The following IRF8 variants were observed in gnomAD, a reference collection of about 807,000 sequenced individuals.
IRF8 encodes the protein interferon regulatory factor 8.
In IRF8, 14 loss-of-function variants were observed where a neutral mutation model predicts 48.7. The observed-to-expected ratio is 0.29, with a 90% confidence interval of 0.19 to 0.45. The LOEUF (loss-of-function observed/expected upper bound fraction) is 0.45. Among genes scored for constraint, IRF8 ranks in the 20% least tolerant of loss-of-function variants. The probability of loss-of-function intolerance (pLI) is 1.00; values close to 1 mark genes in which losing one functional copy is unlikely to be tolerated. For missense variants in IRF8, 493 were observed against 580.7 expected (o/e 0.85, Z 1.55); for synonymous variants, 278 against 227.3 (o/e 1.22, Z -2.01).
rs752738499 is a variant in IRF8, at chr16:85,921,286, C to T, written c.*4C>T. 17 of 1,613,204 alleles carry T rather than the reference C, an allele frequency of 1.1e-5. No homozygotes were observed. Among genetic ancestry groups the T allele is most frequent in the South Asian group, 2.2e-5 (2 of 91,092 alleles). On this transcript the variant is annotated 3_prime_UTR_variant, in exon 9 of 9. Coordinates refer to ENST00000268638, the MANE Select transcript of IRF8 (RefSeq NM_002163.4). ...AAACCAACAGATCACCGTCTAAGTG[C>T]GTCGCTTGGGCGCCCCACCCCGTCT...
chr16:85,911,939 G>T (rs1051178521), intron 4 of IRF8, among the ~76,000 whole-genome samples: 3 of 152,202 alleles, frequency 2.0e-5, no homozygotes, highest in Non-Finnish European at 4.4e-5. Flanking sequence ...GTTCCTTCCA[G>T]CTCCAAACTG....
At chr16:85,900,124 A>G (rs1431377366) in intron 1 of IRF8, among the ~76,000 whole-genome samples, 2 of 152,196 alleles carry the variant, frequency 1.3e-5, no homozygotes, top group Admixed American at 6.5e-5. Context: ...AGAGAGAGAA[A>G]TGGCTTTGGT....
In IRF8 at chr16:85,909,189, G is replaced by T. The variant is rs1253190595; in HGVS notation, c.358+16G>T. 1.9e-6 allele frequency: 3 copies of T among 1,612,522 alleles called. No homozygotes were observed. The highest frequency in any genetic ancestry group is 1.1e-5 in the South Asian group (1 of 90,968). ...GAGCAAAAATGTAACTATCCTTTAT[G>T]GGCATGAAACCTTCCAGAAGCTGCC... On this transcript the variant is annotated intron_variant, in intron 3 of 8. Coordinates refer to ENST00000268638, the MANE Select transcript of IRF8 (RefSeq NM_002163.4).
intron 7 of IRF8, 69 bp from the exon 8 acceptor site, chr16:85,920,040 C>CCTG (rs1905486640): frequency 8.9e-7 from 1 of 1,122,436 alleles, no homozygotes; most frequent in Admixed American, 1.8e-5. Context: ...ATCCCCCAGC[C>CCTG]CTGCTGCTGC....
chr16:85,902,745 C>G (rs1026949237), intron 1 of IRF8: 1 of 503,026 alleles, frequency 2.0e-6, no homozygotes, highest in Non-Finnish European at 3.6e-6. Context: ...CTGGAAGGAG[C>G]ACAGCCAGCA....
In IRF8 at chr16:85,914,468, T is replaced by G. The variant is rs1597254533; in HGVS notation, c.554-5T>G. ...TCTGAGCTTGCTTTTCTGTTTCTCC[T>G]GCAGGCGTGCCGCTGGTGACGGGGT... On this transcript the variant is annotated splice_polypyrimidine_tract_variant and splice_region_variant and intron_variant, in intron 5 of 8. Transcript: ENST00000268638. 1.2e-6 allele frequency: 2 copies of G among 1,614,154 alleles called. No homozygotes were observed. The highest frequency in any genetic ancestry group is 1.7e-6 in the Non-Finnish European group (2 of 1,180,006).
intron 6 of IRF8, among the ~76,000 whole-genome samples, chr16:85,914,798 G>C (rs1234171129): frequency 2.0e-5 from 3 of 151,972 alleles, no homozygotes; most frequent in Non-Finnish European, 4.4e-5. Flanking sequence ...TCGTGTGGAA[G>C]TCTAGGCCCG....
At chr16:85,899,528 A>C in intron 1 of IRF8, among the ~76,000 whole-genome samples, 1 of 152,324 alleles carries the variant, frequency 6.6e-6, no homozygotes, top group South Asian at 2.1e-4. Flanking sequence ...TCATATAATG[A>C]ACGGCAATAG....
At chr16:85,915,654 A>G (rs1216486429) in intron 6 of IRF8, among the ~76,000 whole-genome samples, 1 of 152,232 alleles carries the variant, frequency 6.6e-6, no homozygotes, top group Non-Finnish European at 1.5e-5. Flanking sequence ...GGCAGCCGCC[A>G]TGCTCACAGG....
intron 1 of IRF8, chr16:85,902,694 A>G: frequency 2.5e-6 from 1 of 392,514 alleles, no homozygotes. Flanking sequence ...GGAGCTGTTC[A>G]CTGTGGTTGT....
chr16:85,917,276 A>T (rs1905342569), intron 6 of IRF8, among the ~76,000 whole-genome samples: 1 of 152,192 alleles, frequency 6.6e-6, no homozygotes, highest in Non-Finnish European at 1.5e-5. Flanking sequence ...AAACTCACTA[A>T]GCTCATTGCT....
chr16:85,905,566 C>A (rs552891450), intron 2 of IRF8, among the ~76,000 whole-genome samples: 2 of 152,274 alleles, frequency 1.3e-5, no homozygotes, highest in East Asian at 1.9e-4. Flanking sequence ...GCAGGGAGGC[C>A]ATCGGGAGGG....
intron 6 of IRF8, among the ~76,000 whole-genome samples, 199 bp downstream of exon 6, chr16:85,914,719 G>A (rs1905248296): frequency 6.6e-6 from 1 of 151,820 alleles, no homozygotes; most frequent in African/African-American, 2.4e-5. Flanking sequence ...TGGAAGTCTA[G>A]GCCTGGTTCT....
chr16:85,915,990 C>T (rs1469189948), intron 6 of IRF8, among the ~76,000 whole-genome samples: 1 of 151,732 alleles, frequency 6.6e-6, no homozygotes, highest in Admixed American at 6.6e-5. Context: ...TAATAATAAT[C>T]TACCTTACAG....
In IRF8 at chr16:85,909,182, C is replaced by G. The variant is rs1354399739; in HGVS notation, c.358+9C>G. On this transcript the variant is annotated intron_variant, in intron 3 of 8. Coordinates refer to ENST00000268638, the MANE Select transcript of IRF8 (RefSeq NM_002163.4). ...TGAGGAAGAGCAAAAATGTAACTAT[C>G]CTTTATGGGCATGAAACCTTCCAGA... 1.9e-6 allele frequency: 3 copies of G among 1,613,154 alleles called. No homozygotes were observed. The highest frequency in any genetic ancestry group is 1.3e-5 in the African/African-American group (1 of 74,900).
At position 85,909,177 on chromosome 16, in the gene IRF8, A is replaced by T; in HGVS notation, c.358+4A>T. 3 of 1,613,830 alleles carry T rather than the reference A, an allele frequency of 1.9e-6. No individual in the cohort carries two copies. The highest frequency in any genetic ancestry group is 2.5e-6 in the Non-Finnish European group (3 of 1,179,790). On this transcript the variant is annotated splice_donor_region_variant and intron_variant, in intron 3 of 8. Transcript: ENST00000268638. ...GTTCCTGAGGAAGAGCAAAAATGTAACTATCCTTTATGGGCATGAAACCTT... is the reference window on the plus strand; with the variant it reads ...GTTCCTGAGGAAGAGCAAAAATGTATCTATCCTTTATGGGCATGAAACCTT...
intron 1 of IRF8, among the ~76,000 whole-genome samples, chr16:85,900,124 A>T (rs1431377366): frequency 6.6e-6 from 1 of 152,314 alleles, no homozygotes; most frequent in African/African-American, 2.4e-5. Context: ...AGAGAGAGAA[A>T]TGGCTTTGGT....
At chr16:85,917,194 T>C (rs1354652531) in intron 6 of IRF8, among the ~76,000 whole-genome samples, 1 of 152,038 alleles carries the variant, frequency 6.6e-6, no homozygotes, top group Admixed American at 6.5e-5. Context: ...CGCCGTGGAG[T>C]TAGGCACCTC....
chr16:85,914,630 G>A, intron 6 of IRF8, 110 bp downstream of exon 6: 2 of 1,247,042 alleles, frequency 1.6e-6, no homozygotes, highest in South Asian at 2.5e-5. Context: ...TGGTGTGGAA[G>A]TCTAGGCCTG....
Sources: allele counts gnomAD v4.1 joint callset (sites outside exome capture counted in the v4.1 genomes callset), GRCh38; gene constraint gnomAD v4.1.1; transcripts MANE v1.5; gene names NCBI Gene and HGNC (gene_info 2026-07-23, HGNC 2026-07-21).